Variants in MAN2A1 observed in about 807,000 individuals in gnomAD.
MAN2A1 encodes the protein mannosidase alpha class 2A member 1.
Under a neutral mutation model 142.6 loss-of-function variants are expected in MAN2A1, and 76 were observed. The ratio of observed to expected loss-of-function variants is 0.53; its 90% CI spans 0.44 to 0.65. The LOEUF (loss-of-function observed/expected upper bound fraction) is 0.65. Ranked by LOEUF, MAN2A1 falls within the 30% of genes least tolerant of loss-of-function variation. MAN2A1 has a pLI of 0.00. For synonymous variants in MAN2A1, 559 were observed against 473.2 expected, an observed-to-expected ratio of 1.18 and a Z score of -2.35; for missense variants, 1,311 against 1,365.1, an observed-to-expected ratio of 0.96 and a Z score of 0.62.
chr5:109,759,643 A>T (rs928482483), intron 5 of MAN2A1, among the ~76,000 whole-genome samples: 2 of 152,102 alleles, frequency 1.3e-5, no homozygotes, highest in African/African-American at 4.8e-5. Context: ...GGGCTATAGG[A>T]TAAGTTTATG....
At chr5:109,859,001 C>T (rs75353657) in intron 20 of MAN2A1, among the ~76,000 whole-genome samples, 3,437 of 152,272 alleles carry the variant, frequency 0.023, 153 homozygotes, top group African/African-American at 0.079. Context: ...GAGACTTTTA[C>T]AGATTTCCAG....
rs1425685557 is a variant in MAN2A1, at chr5:109,865,139, A to G, written c.3275A>G (p.Gln1092Arg). 2 of 1,611,700 alleles carry G rather than the reference A, an allele frequency of 1.2e-6. No homozygotes were observed. Among genetic ancestry groups the G allele is most frequent in the Non-Finnish European group, 1.7e-6 (2 of 1,177,850 alleles). ...ACAGGGCTGTTTTGTTCTACTACTC[A>G]GGGAAAGGTAAGTTGAAAAGGTTAT... is the stretch of plus-strand genomic sequence containing the variant. ...KGTGLFCSTT[Q>R]GKILVQKLLN... Residue 1092 changes from glutamine to arginine, a missense_variant, in exon 21 of 22, where the codon CAG becomes CGG. Physicochemically the swap from Gln to Arg is conservative, Grantham distance 43 (BLOSUM62 1). This residue lies in a region of MAN2A1 where 890 missense variants were observed against 920.5 expected (regional missense o/e 0.97). Coordinates refer to ENST00000261483, the MANE Select transcript of MAN2A1 (RefSeq NM_002372.4).
chr5:109,748,999 C>T (rs914261343), intron 4 of MAN2A1, among the ~76,000 whole-genome samples: 1 of 151,038 alleles, frequency 6.6e-6, no homozygotes, highest in African/African-American at 2.4e-5. Flanking sequence ...TCATTGGGAG[C>T]TTCTGTGTTT....
At chr5:109,809,967 C>T (rs550798272) in intron 12 of MAN2A1, among the ~76,000 whole-genome samples, 2 of 151,692 alleles carry the variant, frequency 1.3e-5, no homozygotes, top group African/African-American at 4.8e-5. Context: ...TTCTCTTTTG[C>T]TGAGTTAAAT....
chr5:109,755,080 A>T (rs1262307292), intron 4 of MAN2A1, among the ~76,000 whole-genome samples: 1 of 152,172 alleles, frequency 6.6e-6, no homozygotes, highest in African/African-American at 2.4e-5. Flanking sequence ...GTTTATACCC[A>T]TGTGGAAGGA....
chr5:109,733,283 A>T (rs1751975516), intron 4 of MAN2A1, among the ~76,000 whole-genome samples: 1 of 152,172 alleles, frequency 6.6e-6, no homozygotes, highest in Admixed American at 6.5e-5. Context: ...GGGGTTTTCT[A>T]GATATACAAT....
chr5:109,704,188 C>A (rs541652945), intron 1 of MAN2A1, among the ~76,000 whole-genome samples: 1 of 152,296 alleles, frequency 6.6e-6, no homozygotes, highest in East Asian at 1.9e-4. Context: ...GGCTTGGAGT[C>A]CCAGCTTTTC....
Position 109,820,410 on chromosome 5 carries a change from A to C in MAN2A1, c.2451+68A>C, listed in dbSNP as rs1279017966. 14 of 1,416,640 alleles carry C rather than the reference A, an allele frequency of 9.9e-6. No individual in the cohort carries two copies. In the African/African-American group the frequency reaches 1.7e-4, roughly 17 times the overall value. The allele number at this position is 1,416,640 out of a possible 1,614,324, so 87.8% of individuals were successfully genotyped here. ...TGAAAGAGTATTGAGGAAAAAGATA[A>C]GTGAGTGTCATTATTTTATCATCTG... On this transcript the variant is annotated intron_variant, in intron 15 of 21. Transcript: ENST00000261483.
chr5:109,799,468 AAGC>A (rs1359888696), intron 12 of MAN2A1, among the ~76,000 whole-genome samples: 1 of 152,148 alleles, frequency 6.6e-6, no homozygotes, highest in African/African-American at 2.4e-5. Context: ...AAAAACAAAA[AAGC>A]AGGCCAGGCG....
chr5:109,746,115 C>T (rs1294021619), intron 4 of MAN2A1, among the ~76,000 whole-genome samples: 1 of 152,160 alleles, frequency 6.6e-6, no homozygotes, highest in Non-Finnish European at 1.5e-5. Flanking sequence ...GCTGGGATTA[C>T]AGGCATGTGC....
chr5:109,748,867 C>G (rs529807111), intron 4 of MAN2A1, among the ~76,000 whole-genome samples: 6 of 151,680 alleles, frequency 4.0e-5, no homozygotes, highest in African/African-American at 1.5e-4. Context: ...CAGTGAGTTT[C>G]TCCTATCATT....
chr5:109,794,449 A>C (rs900876746), intron 12 of MAN2A1, among the ~76,000 whole-genome samples: 2 of 152,160 alleles, frequency 1.3e-5, no homozygotes. Flanking sequence ...TGAGTGTAAA[A>C]AGTCAGTAAG....
chr5:109,696,690 C>T (rs1439177250), intron 1 of MAN2A1, among the ~76,000 whole-genome samples: 4 of 152,242 alleles, frequency 2.6e-5, no homozygotes, highest in Admixed American at 1.3e-4. Context: ...TCTCCAGACA[C>T]TGCTCTCAAT....
intron 12 of MAN2A1, among the ~76,000 whole-genome samples, chr5:109,801,339 T>C (rs541052013): frequency 1.4e-4 from 21 of 152,132 alleles, no homozygotes; most frequent in Admixed American, 3.9e-4. Context: ...GTCATGGCAG[T>C]TGGGATAAAC....
chr5:109,837,053 T>C (rs1274632447), intron 16 of MAN2A1, among the ~76,000 whole-genome samples: 2 of 149,592 alleles, frequency 1.3e-5, no homozygotes, highest in Non-Finnish European at 3.0e-5. Flanking sequence ...TTTTATTTAT[T>C]CATTTCCCTG....
At chr5:109,824,719 A>T (rs1339451720) in intron 16 of MAN2A1, among the ~76,000 whole-genome samples, 1 of 152,208 alleles carries the variant, frequency 6.6e-6, no homozygotes, top group African/African-American at 2.4e-5. Flanking sequence ...ATGTATAGGT[A>T]GGCACGGTTT....
At chr5:109,696,363 T>A (rs902686034) in intron 1 of MAN2A1, among the ~76,000 whole-genome samples, 1 of 152,220 alleles carries the variant, frequency 6.6e-6, no homozygotes, top group Non-Finnish European at 1.5e-5. Flanking sequence ...CCTCCCAACA[T>A]GTTGGGATTA....
rs1750615989 is a variant in MAN2A1, at chr5:109,690,005, G to A, written c.-413G>A. The A allele has an allele frequency of 5.5e-6, 1 of 181,188 alleles. No individual in the cohort carries two copies. Among genetic ancestry groups the A allele is most frequent in the African/African-American group, 2.4e-5 (1 of 41,688 alleles). 11.2% of individuals were successfully genotyped at this position (181,188 alleles called of 1,614,324 possible). ...CGAACCCGCGCCTCCCCTGGGTGAG[G>A]AGGACACGCCTGCCCTCGTCGAGAA... On this transcript the variant is annotated 5_prime_UTR_variant, in exon 1 of 22. Transcript: ENST00000261483.
intron 20 of MAN2A1, among the ~76,000 whole-genome samples, chr5:109,860,623 T>G (rs1755731345): frequency 6.6e-6 from 1 of 152,198 alleles, no homozygotes. Flanking sequence ...TTCCAAAAGT[T>G]TACTGTTTCT....
Sources: allele counts gnomAD v4.1 joint callset (sites outside exome capture counted in the v4.1 genomes callset), GRCh38; gene constraint gnomAD v4.1.1; regional missense constraint gnomAD v4.1.1; transcripts MANE v1.5; gene names NCBI Gene and HGNC (gene_info 2026-07-23, HGNC 2026-07-21).